KDM4D: variants seen among roughly 807,000 people sequenced by gnomAD.
KDM4D encodes the protein lysine demethylase 4D.
For synonymous variants in KDM4D, 254 were observed against 249.1 expected (o/e 1.02, Z -0.19); for missense variants, 427 against 674.8 (o/e 0.63, Z 4.07).
At chr11:94,979,391 G>A (rs1590964409) in intron 2 of KDM4D, among the ~76,000 whole-genome samples, 1 of 151,896 alleles carries the variant, frequency 6.6e-6, no homozygotes, top group Admixed American at 6.6e-5. Context: ...CACCATGCCT[G>A]GCTAATTTTT....
At chr11:94,982,192 G>A (rs1041156371) in intron 2 of KDM4D, among the ~76,000 whole-genome samples, 1 of 151,648 alleles carries the variant, frequency 6.6e-6, no homozygotes, top group Non-Finnish European at 1.5e-5. Flanking sequence ...GTTCTCAACC[G>A]TTTGACATTT....
rs11371511 is a variant in KDM4D at position 94,997,239 on chromosome 11, C to CAA, written c.-125_-124dup. ...CCAAGAAAGATTATCATCTCATTTG[C>CAA]AAAAAAAAAAGTACGCTGGTAGATC... On this transcript the variant is annotated 5_prime_UTR_variant, in exon 3 of 3. Transcript: ENST00000335080. 0.044 allele frequency: 16,901 copies of CAA among 386,588 alleles called. 2 individuals carry two copies. The highest frequency in any genetic ancestry group is 0.056 in the South Asian group (1,029 of 18,216). The allele number at this position is 386,588 out of a possible 1,614,324, so 23.9% of individuals were successfully genotyped here.
intron 2 of KDM4D, among the ~76,000 whole-genome samples, chr11:94,995,042 G>A (rs1857965165): frequency 1.3e-5 from 2 of 152,170 alleles, no homozygotes; most frequent in African/African-American, 4.8e-5. Context: ...ATAGGTGACA[G>A]AGGGAAGTGT....
At chr11:94,991,749 T>C (rs1857936384) in intron 2 of KDM4D, among the ~76,000 whole-genome samples, 1 of 147,936 alleles carries the variant, frequency 6.8e-6, no homozygotes. Flanking sequence ...AATATCTAAA[T>C]AAGAGGAGTT....
intron 2 of KDM4D, among the ~76,000 whole-genome samples, chr11:94,984,255 G>GTTAC (rs1857866327): frequency 6.6e-6 from 1 of 152,154 alleles, no homozygotes; most frequent in South Asian, 2.1e-4. Flanking sequence ...AGCACTTTGG[G>GTTAC]AGTCTGAAGC....
chr11:94,990,794 G>C (rs1162831286), intron 2 of KDM4D, among the ~76,000 whole-genome samples: 1 of 152,186 alleles, frequency 6.6e-6, no homozygotes, highest in African/African-American at 2.4e-5. Flanking sequence ...AGGATGTCAT[G>C]GCATTAGGTA....
chr11:94,995,812 T>C (rs1555099155), intron 2 of KDM4D, among the ~76,000 whole-genome samples: 1 of 152,174 alleles, frequency 6.6e-6, no homozygotes, highest in Non-Finnish European at 1.5e-5. Flanking sequence ...TAATGGTTCA[T>C]TCTCCATTCA....
At chr11:94,989,273 C>A (rs1555098389) in intron 2 of KDM4D, among the ~76,000 whole-genome samples, 1 of 152,064 alleles carries the variant, frequency 6.6e-6, no homozygotes, top group African/African-American at 2.4e-5. Flanking sequence ...AACTTACATG[C>A]TACTCAAGAC....
intron 2 of KDM4D, among the ~76,000 whole-genome samples, chr11:94,978,321 G>A (rs1466793488): frequency 6.6e-6 from 1 of 151,664 alleles, no homozygotes; most frequent in Non-Finnish European, 1.5e-5. Context: ...ATGCCCACAT[G>A]TCAGAAATTA....
At chr11:94,979,125 AATAT>A (rs1484842589) in intron 2 of KDM4D, among the ~76,000 whole-genome samples, 2 of 152,236 alleles carry the variant, frequency 1.3e-5, no homozygotes, top group Non-Finnish European at 2.9e-5. Context: ...ATCAGAGCAG[AATAT>A]ATATTCTTTT....
rs76203156 is a variant in KDM4D, at chr11:94,995,087, G to T, written c.-349-1937G>T. The stretch of plus-strand genomic sequence containing the variant: ...CATTTAATTAATAAAAATGTTTTGG[G>T]TGCCTACAATATATAAGAAAACCAA... On this transcript the variant is annotated intron_variant, in intron 2 of 2. Transcript: ENST00000335080. Among the ~76,000 whole-genome samples the T allele has an allele frequency of 7.1e-3, 1,078 of 152,166 alleles. 8 individuals are homozygous for T. Among genetic ancestry groups the T allele is most frequent in the Non-Finnish European group, 0.011 (755 of 68,012 alleles).
intron 2 of KDM4D, among the ~76,000 whole-genome samples, chr11:94,980,130 C>T (rs1344205371): frequency 1.3e-5 from 2 of 152,180 alleles, no homozygotes; most frequent in Non-Finnish European, 2.9e-5. Context: ...TTCTCTGCTT[C>T]TCTTTTTGGA....
At chr11:94,974,629 C>T (rs1212758903) in intron 1 of KDM4D, among the ~76,000 whole-genome samples, 2 of 152,220 alleles carry the variant, frequency 1.3e-5, no homozygotes, top group Non-Finnish European at 1.5e-5. Flanking sequence ...CTCCTCCAGT[C>T]TTAACAAGTC....
At chr11:94,992,269 C>CAA (rs35912659) in intron 2 of KDM4D, among the ~76,000 whole-genome samples, 1 of 150,506 alleles carries the variant, frequency 6.6e-6, no homozygotes, top group African/African-American at 2.4e-5. Context: ...GACAAACTGG[C>CAA]AAAAAAAACT....
At chr11:94,983,226 G>A (rs2134110557) in intron 2 of KDM4D, among the ~76,000 whole-genome samples, 1 of 151,000 alleles carries the variant, frequency 6.6e-6, no homozygotes, top group South Asian at 2.1e-4. Context: ...TGTGAGAAAA[G>A]GATTCCAACT....
At chr11:94,989,346 T>A (rs1857914203) in intron 2 of KDM4D, among the ~76,000 whole-genome samples, 1 of 152,168 alleles carries the variant, frequency 6.6e-6, no homozygotes, top group South Asian at 2.1e-4. Context: ...TAAAACTCAA[T>A]GGAGTGGTGT....
At chr11:94,977,465 C>T (rs1297528153) in intron 2 of KDM4D, among the ~76,000 whole-genome samples, 4 of 152,062 alleles carry the variant, frequency 2.6e-5, no homozygotes, top group Non-Finnish European at 5.9e-5. Flanking sequence ...CACACAGCTG[C>T]TCCTGCTTTA....
chr11:94,992,105 G>GA (rs1221032036), intron 2 of KDM4D, among the ~76,000 whole-genome samples: 1 of 151,480 alleles, frequency 6.6e-6, no homozygotes, highest in Non-Finnish European at 1.5e-5. Flanking sequence ...ATATACAAAG[G>GA]AAAAAACTAT....
At chr11:94,989,741 T>C (rs1555098444) in intron 2 of KDM4D, among the ~76,000 whole-genome samples, 1 of 118,702 alleles carries the variant, frequency 8.4e-6, no homozygotes, top group Non-Finnish European at 1.8e-5. Flanking sequence ...TTTCTCTCTC[T>C]CTCTCTCTTT....
Sources: allele counts gnomAD v4.1 joint callset (sites outside exome capture counted in the v4.1 genomes callset), GRCh38; gene constraint gnomAD v4.1.1; transcripts MANE v1.5; gene names NCBI Gene and HGNC (gene_info 2026-07-23, HGNC 2026-07-21).